The following BTG1 variants were observed in gnomAD, a reference collection of about 807,000 sequenced individuals.
The protein encoded by BTG1 is protein BTG1.
In BTG1, 2 loss-of-function variants were observed where a neutral mutation model predicts 15.2. The observed-to-expected ratio is 0.13, with a 90% CI of 0.05 to 0.41. The LOEUF is 0.41. Among genes scored for constraint, BTG1 ranks in the 10% least tolerant of loss-of-function variants. The probability of loss-of-function intolerance (pLI) is 0.99; values close to 1 mark genes in which losing one functional copy is unlikely to be tolerated. For synonymous variants in BTG1, 109 were observed against 82.4 expected (o/e 1.32, Z -1.75); for missense variants, 149 against 215.0 (o/e 0.69, Z 1.92).
At position 92,140,524 on chromosome 12, in the gene BTG1, A is replaced by T. The variant is rs897561578; in HGVS notation, c.*3556T>A. 21 of 230,840 alleles carry T rather than the reference A, an allele frequency of 9.1e-5. No homozygotes were observed. The highest frequency in any genetic ancestry group is 1.1e-4 in the African/African-American group (5 of 45,234). The allele number at this position is 230,840 out of a possible 1,614,324, so 14.3% of individuals were successfully genotyped here. On this transcript the variant is annotated 3_prime_UTR_variant, in exon 2 of 2. Coordinates refer to ENST00000256015, the MANE Select transcript of BTG1 (RefSeq NM_001731.3). ...ATAAAGAAAATAAAGATCTATAGGC[A>T]TAACCAGAAATCAGATCTCATAATG... is the stretch of plus-strand genomic sequence containing the variant.
At position 92,142,117 on chromosome 12, in the gene BTG1, G is replaced by C. The variant is rs1170229016; in HGVS notation, c.*1963C>G. ...TTGGCAAGGGTAGTCCATGTGTTGC[G>C]GGTCTACGAATTCTAACTCTCGAGA... On this transcript the variant is annotated 3_prime_UTR_variant, in exon 2 of 2. Transcript: ENST00000256015. 3 of 231,908 alleles carry C rather than the reference G, an allele frequency of 1.3e-5. No individual in the cohort carries two copies. The highest frequency in any genetic ancestry group is 1.8e-4 in the South Asian group (1 of 5,500). The allele number at this position is 231,908 out of a possible 1,614,324, so 14.4% of individuals were successfully genotyped here.
rs1870401893 is a variant in BTG1 at position 92,143,764 on chromosome 12, T to C, written c.*316A>G. 1 of 303,708 alleles carries C rather than the reference T, an allele frequency of 3.3e-6. No individual in the cohort carries two copies. Among genetic ancestry groups the C allele is most frequent in the Non-Finnish European group, 6.1e-6 (1 of 164,294 alleles). The allele number at this position is 303,708 out of a possible 1,614,324, so 18.8% of individuals were successfully genotyped here. ...AGAGAAAGATTCTTTGAAATACAGA[T>C]TTTCTTTAAAAGGATTGATGTAAAA... On this transcript the variant is annotated 3_prime_UTR_variant, in exon 2 of 2. Coordinates refer to ENST00000256015, the MANE Select transcript of BTG1 (RefSeq NM_001731.3).
Position 92,145,309 on chromosome 12 carries a change from G to C in BTG1, c.148+79C>G, listed in dbSNP as rs1442192247. On this transcript the variant is annotated intron_variant, in intron 1 of 1. Coordinates refer to ENST00000256015, the MANE Select transcript of BTG1 (RefSeq NM_001731.3). ...GCGACCGGCCCCGGGGCGCTGCCGA[G>C]GTTCCCGCAGCCCCGACGGCCGGAC... 2.2e-6 allele frequency: 3 copies of C among 1,371,502 alleles called. No homozygotes were observed. The African/African-American group carries it at 4.5e-5, about 21-fold the overall frequency. 85.0% of individuals were successfully genotyped at this position (1,371,502 alleles called of 1,614,324 possible).
rs1345133400 is a variant in BTG1, at chr12:92,145,726, A to AG, written c.-192dup. On this transcript the variant is annotated 5_prime_UTR_variant, in exon 1 of 2. It introduces an in-frame stop codon into an upstream open reading frame of the 5' UTR. Coordinates refer to ENST00000256015, the MANE Select transcript of BTG1 (RefSeq NM_001731.3). The stretch of plus-strand genomic sequence containing the variant: ...TATTTTCGAGACAGGAGGCGGCAGG[A>AG]GAGAGGAAGAGACGAGCGATGGCGG... The AG allele has an allele frequency of 8.9e-6, 3 of 336,522 alleles. No individual in the cohort carries two copies. The highest frequency in any genetic ancestry group is 1.0e-5 in the Non-Finnish European group (2 of 192,076). 20.8% of individuals were successfully genotyped at this position (336,522 alleles called of 1,614,324 possible).
intron 1 of BTG1, 148 bp from the exon 2 acceptor site, chr12:92,144,595 T>C (rs1870461736): frequency 5.5e-6 from 6 of 1,099,604 alleles, no homozygotes; most frequent in Non-Finnish European, 7.7e-6. Context: ...GTTGTGCATG[T>C]GCGGGGATGG....
At position 92,140,477 on chromosome 12, in the gene BTG1, CAGA is replaced by C. The variant is rs765160950; in HGVS notation, c.*3600_*3602del. On this transcript the variant is annotated 3_prime_UTR_variant, in exon 2 of 2. Coordinates refer to ENST00000256015, the MANE Select transcript of BTG1 (RefSeq NM_001731.3). ...ATTTCAAAAATATAACACTTAACAT[CAGA>C]AGAAAATGATCTATAGGGATAAAGA... The C allele has an allele frequency of 7.0e-5, 16 of 228,258 alleles. No individual in the cohort carries two copies. Among genetic ancestry groups the C allele is most frequent in the Non-Finnish European group, 4.3e-5 (5 of 115,150 alleles). 14.1% of individuals were successfully genotyped at this position (228,258 alleles called of 1,614,324 possible). A position where few individuals can be genotyped will look rare whatever the true frequency, so the allele number is the denominator to read the frequency against.
intron 1 of BTG1, 170 bp downstream of exon 1, chr12:92,145,218 C>A: frequency 9.1e-7 from 1 of 1,098,632 alleles, no homozygotes. Context: ...CCCCTAAAGC[C>A]TCGCGGGGAA....
At chr12:92,145,106 G>C (rs1258793441) in intron 1 of BTG1, 1 of 286,142 alleles carries the variant, frequency 3.5e-6, no homozygotes, top group Non-Finnish European at 6.2e-6. Context: ...ACGGTCCTCG[G>C]ACCGCAGCTC....
chr12:92,145,234 G>A (rs542797051), intron 1 of BTG1, 154 bp downstream of exon 1: 27 of 1,200,248 alleles, frequency 2.2e-5, no homozygotes, highest in Non-Finnish European at 2.5e-5. Context: ...GGGAACCGCT[G>A]TTAGCGGCCA....
In BTG1 at chr12:92,142,901, A is replaced by C. The variant is rs1437399681; in HGVS notation, c.*1179T>G. 4.3e-6 allele frequency: 1 copy of C among 232,694 alleles called. No homozygotes were observed. The highest frequency in any genetic ancestry group is 6.1e-5 in the East Asian group (1 of 16,526). 14.4% of individuals were successfully genotyped at this position (232,694 alleles called of 1,614,324 possible). A position where few individuals can be genotyped will look rare whatever the true frequency, so the allele number is the denominator to read the frequency against. On this transcript the variant is annotated 3_prime_UTR_variant, in exon 2 of 2. Transcript: ENST00000256015. ...TGGTCTCTTATCCTTATTTCATGAG[A>C]TCATTAGCCTGTGAATGTGTCCATG... is the stretch of plus-strand genomic sequence containing the variant.
rs1870131413 is a variant in BTG1 at position 92,140,456 on chromosome 12, CAAAAATATA to C, written c.*3615_*3623del. ...AAGGCTTACTTGTTTAGGAGCATTTCAAAAATATAACACTTAACATCAGAAGAAAATGAT... is the reference window on the plus strand; with the variant it reads ...AAGGCTTACTTGTTTAGGAGCATTTCACACTTAACATCAGAAGAAAATGAT... On this transcript the variant is annotated 3_prime_UTR_variant, in exon 2 of 2. Transcript: ENST00000256015. 1 of 226,724 alleles carries C rather than the reference CAAAAATATA, an allele frequency of 4.4e-6. No individual in the cohort carries two copies. The highest frequency in any genetic ancestry group is 8.7e-6 in the Non-Finnish European group (1 of 114,288). The allele number at this position is 226,724 out of a possible 1,614,324, so 14.0% of individuals were successfully genotyped here.
Position 92,145,573 on chromosome 12 carries a change from C to G in BTG1, c.-38G>C. The G allele has an allele frequency of 7.8e-7, 1 of 1,282,640 alleles. No individual in the cohort carries two copies. Among genetic ancestry groups the G allele is most frequent in the South Asian group, 2.8e-5 (1 of 35,732 alleles). The allele number at this position is 1,282,640 out of a possible 1,614,324, so 79.5% of individuals were successfully genotyped here. On this transcript the variant is annotated 5_prime_UTR_variant, in exon 1 of 2. Transcript: ENST00000256015. ...CGGGGGCGGCCCGGGGCGGCTGGGG[C>G]TCGGCGGCGCGGCCCCGACGGCGGA...
At chr12:92,145,115 TC>T in intron 1 of BTG1, 1 of 309,390 alleles carries the variant, frequency 3.2e-6, no homozygotes, top group Non-Finnish European at 5.6e-6. Flanking sequence ...GGACCGCAGC[TC>T]CCGCCTCGGT....
In BTG1 at chr12:92,145,657, G is replaced by A. The variant is rs1297708475; in HGVS notation, c.-122C>T. On this transcript the variant is annotated 5_prime_UTR_variant, in exon 1 of 2. Transcript: ENST00000256015. ...GCTGAGAGGAAGAGAGGGCGTGAGGGGCGGACGACTACTTTTGTCTTTCTT... is the reference window on the plus strand; with the variant it reads ...GCTGAGAGGAAGAGAGGGCGTGAGGAGCGGACGACTACTTTTGTCTTTCTT... The A allele has an allele frequency of 2.4e-5, 14 of 582,556 alleles. No homozygotes were observed. Among genetic ancestry groups the A allele is most frequent in the South Asian group, 2.3e-4 (3 of 13,302 alleles). The allele number at this position is 582,556 out of a possible 1,614,324, so 36.1% of individuals were successfully genotyped here.
chr12:92,140,385 C>G lies in BTG1; in HGVS notation c.*3695G>C, dbSNP rs1870125964. The G allele has an allele frequency of 4.5e-6, 1 of 220,480 alleles. No individual in the cohort carries two copies. The highest frequency in any genetic ancestry group is 1.8e-4 in the South Asian group (1 of 5,434). The allele number at this position is 220,480 out of a possible 1,614,324, so 13.7% of individuals were successfully genotyped here. A position where few individuals can be genotyped will look rare whatever the true frequency, so the allele number is the denominator to read the frequency against. The stretch of plus-strand genomic sequence containing the variant: ...AAAAACTGGTGTCAATCATACTCCA[C>G]AAAGTGTTGAGGAAATGGTATCAAT... On this transcript the variant is annotated 3_prime_UTR_variant, in exon 2 of 2. Transcript: ENST00000256015.
Position 92,144,039 on chromosome 12 carries a change from T to A in BTG1, c.*41A>T. ...GAGCCCACCCAAAGCAAAAATCAAA[T>A]TTATCCATCATCATCAGATGATCCA... On this transcript the variant is annotated 3_prime_UTR_variant, in exon 2 of 2. Coordinates refer to ENST00000256015, the MANE Select transcript of BTG1 (RefSeq NM_001731.3). 8 of 1,597,956 alleles carry A rather than the reference T, an allele frequency of 5.0e-6. No homozygotes were observed. The highest frequency in any genetic ancestry group is 6.8e-6 in the Non-Finnish European group (8 of 1,176,418).
rs1797882310 is a variant in BTG1 at position 92,144,055 on chromosome 12, A to C, written c.*25T>G. On this transcript the variant is annotated 3_prime_UTR_variant, in exon 2 of 2. Coordinates refer to ENST00000256015, the MANE Select transcript of BTG1 (RefSeq NM_001731.3). Reference sequence around the variant, plus strand: ...AAAATCAAATTTATCCATCATCATCAGATGATCCATCCACAGACTATATCT... The same window carrying C: ...AAAATCAAATTTATCCATCATCATCCGATGATCCATCCACAGACTATATCT... 1 of 1,604,158 alleles carries C rather than the reference A, an allele frequency of 6.2e-7. No homozygotes were observed. The highest frequency in any genetic ancestry group is 1.3e-5 in the African/African-American group (1 of 74,412).
At position 92,142,462 on chromosome 12, in the gene BTG1, T is replaced by C. The variant is rs1203477752; in HGVS notation, c.*1618A>G. ...TACAACTAAACAGCAAGTCCTTCTATTATATGGGGTAGTGAAGTAATCTAC... is the reference window on the plus strand; with the variant it reads ...TACAACTAAACAGCAAGTCCTTCTACTATATGGGGTAGTGAAGTAATCTAC... On this transcript the variant is annotated 3_prime_UTR_variant, in exon 2 of 2. Coordinates refer to ENST00000256015, the MANE Select transcript of BTG1 (RefSeq NM_001731.3). 1 of 231,306 alleles carries C rather than the reference T, an allele frequency of 4.3e-6. No homozygotes were observed. Among genetic ancestry groups the C allele is most frequent in the African/African-American group, 2.2e-5 (1 of 45,030 alleles). The allele number at this position is 231,306 out of a possible 1,614,324, so 14.3% of individuals were successfully genotyped here. A position where few individuals can be genotyped will look rare whatever the true frequency, so the allele number is the denominator to read the frequency against.
rs775269691 is a variant in BTG1 at position 92,145,374 on chromosome 12, C to G, written c.148+14G>C. On this transcript the variant is annotated intron_variant, in intron 1 of 1. Coordinates refer to ENST00000256015, the MANE Select transcript of BTG1 (RefSeq NM_001731.3). Reference sequence around the variant, plus strand: ...GTGGGGCCCGCGTCCCTCCGACGCCCTCGCCCTGCTCACCTGCCAGCAGCT... The same window carrying G: ...GTGGGGCCCGCGTCCCTCCGACGCCGTCGCCCTGCTCACCTGCCAGCAGCT... The G allele has an allele frequency of 3.0e-5, 47 of 1,547,204 alleles. No individual in the cohort carries two copies. The highest frequency in any genetic ancestry group is 4.1e-5 in the Non-Finnish European group (47 of 1,146,066).
Sources: gnomAD v4.1 joint callset for allele counts on GRCh38, gnomAD v4.1.1 for gene constraint, MANE v1.5 for transcripts, NCBI Gene and HGNC (gene_info 2026-07-23, HGNC 2026-07-21) for gene names.